The following C12orf56 variants were observed in gnomAD, a reference collection of about 807,000 sequenced individuals.
C12orf56 encodes uncharacterized protein C12orf56.
Under a neutral mutation model 69.9 loss-of-function variants are expected in C12orf56, and 71 were observed. That is an observed-to-expected ratio of 1.02 (90% confidence interval 0.84 to 1.24). C12orf56 has a LOEUF of 1.24. Among genes scored for constraint, C12orf56 ranks in the 50% most tolerant of loss-of-function variants. The pLI, the probability that C12orf56 is intolerant of heterozygous loss-of-function variation, is 0.00. For missense variants in C12orf56, 732 were observed against 738.5 expected (o/e 0.99, Z 0.10); for synonymous variants, 276 against 274.1 (o/e 1.01, Z -0.07).
At chr12:64,353,359 T>C (rs1256172463) in intron 1 of C12orf56, among the ~76,000 whole-genome samples, 1 of 152,102 alleles carries the variant, frequency 6.6e-6, no homozygotes, top group Non-Finnish European at 1.5e-5. Flanking sequence ...GGTTTAACCA[T>C]GTTGGCCAGG....
In C12orf56 at chr12:64,293,123, G is replaced by A. The variant is rs534845718; in HGVS notation, c.1114-7063C>T. Among the ~76,000 whole-genome samples the A allele has an allele frequency of 4.5e-4, 69 of 152,204 alleles. 1 individual carries two copies. The highest frequency in any genetic ancestry group is 1.6e-3 in the African/African-American group (65 of 41,550). The stretch of plus-strand genomic sequence containing the variant: ...GGGAGTGACCCGATTTTCCAGGTGC[G>A]TCCGTCACCCCTTTCTTTGACTCGG... On this transcript the variant is annotated intron_variant, in intron 6 of 12. Transcript: ENST00000543942.
At position 64,312,670 on chromosome 12, in the gene C12orf56, A is replaced by T; in HGVS notation, c.968+9T>A. On this transcript the variant is annotated intron_variant, in intron 5 of 12. Coordinates refer to ENST00000543942, the MANE Select transcript of C12orf56 (RefSeq NM_001170633.2). ...CCATGCAACTCTATCATACATCATC[A>T]CTTCTTACCTATATGGCTTTTGACT... The T allele has an allele frequency of 6.6e-7, 1 of 1,526,374 alleles. No homozygotes were observed. Among genetic ancestry groups the T allele is most frequent in the Non-Finnish European group, 8.8e-7 (1 of 1,137,428 alleles). The allele number at this position is 1,526,374 out of a possible 1,614,324, so 94.6% of individuals were successfully genotyped here. A position where few individuals can be genotyped will look rare whatever the true frequency, so the allele number is the denominator to read the frequency against.
chr12:64,390,280 C>G (rs960733229), intron 1 of C12orf56, 34 bp downstream of exon 1: 14 of 1,568,744 alleles, frequency 8.9e-6, no homozygotes, highest in Non-Finnish European at 1.2e-5. Context: ...TCTCACTGCG[C>G]TCCCGAGCCC....
rs1368584581 is a variant in C12orf56 at position 64,270,529 on chromosome 12, T to C, written c.1763+7A>G. 1 of 1,522,144 alleles carries C rather than the reference T, an allele frequency of 6.6e-7. No homozygotes were observed. The highest frequency in any genetic ancestry group is 1.4e-5 in the African/African-American group (1 of 71,942). The allele number at this position is 1,522,144 out of a possible 1,614,324, so 94.3% of individuals were successfully genotyped here. On this transcript the variant is annotated splice_region_variant and intron_variant, in intron 12 of 12. Coordinates refer to ENST00000543942, the MANE Select transcript of C12orf56 (RefSeq NM_001170633.2). Reference sequence around the variant, plus strand: ...ACTGCAGATTAGATTCAGACATTTTTTCTTACCTGAATTCTTCTCTGTAGT... The same window carrying C: ...ACTGCAGATTAGATTCAGACATTTTCTCTTACCTGAATTCTTCTCTGTAGT...
At chr12:64,309,812 A>G (rs2038581556) in intron 5 of C12orf56, among the ~76,000 whole-genome samples, 1 of 151,788 alleles carries the variant, frequency 6.6e-6, no homozygotes, top group Non-Finnish European at 1.5e-5. Context: ...CACCCGGCTT[A>G]TCATACTCAC....
intron 2 of C12orf56, among the ~76,000 whole-genome samples, chr12:64,347,904 T>C (rs1377824359): frequency 6.6e-6 from 1 of 152,220 alleles, no homozygotes; most frequent in Non-Finnish European, 1.5e-5. Flanking sequence ...AACCTAAAAA[T>C]TTGAACAAGT....
chr12:64,287,285 G>A (rs1336469347), intron 6 of C12orf56, among the ~76,000 whole-genome samples: 1 of 147,004 alleles, frequency 6.8e-6, no homozygotes, highest in Non-Finnish European at 1.5e-5. Context: ...AGAAGAAGAA[G>A]AAGAAGAAGT....
intron 1 of C12orf56, among the ~76,000 whole-genome samples, chr12:64,376,203 C>T (rs1197947948): frequency 3.3e-5 from 5 of 152,034 alleles, no homozygotes; most frequent in Admixed American, 2.0e-4. Context: ...CTGCCTCATC[C>T]GTCATATTCA....
chr12:64,348,767 T>G (rs576123276), intron 2 of C12orf56, among the ~76,000 whole-genome samples: 1 of 152,324 alleles, frequency 6.6e-6, no homozygotes, highest in South Asian at 2.1e-4. Flanking sequence ...CAATTAAGGT[T>G]GTTATGTTAA....
At position 64,352,901 on chromosome 12, in the gene C12orf56, G is replaced by A. The variant is rs375845633; in HGVS notation, c.408C>T (p.Asn136=). 2.5e-6 allele frequency: 4 copies of A among 1,603,922 alleles called. No homozygotes were observed. In the African/African-American group the frequency reaches 4.1e-5, roughly 16 times the overall value. ...LFPFHHTKAN[N]KKVKEEKNGL... ...CAGATTGGAAGTACCTACCTTTCTT[G>A]TTGTTAGCTTTAGTATGATGAAATG... The change falls in exon 2 of 13, where the codon AAC becomes AAT. Residue 136 remains asparagine, a synonymous_variant. Transcript: ENST00000543942.
chr12:64,390,279 G>A (rs1197742852), intron 1 of C12orf56, 35 bp downstream of exon 1: 1 of 1,565,996 alleles, frequency 6.4e-7, no homozygotes, highest in South Asian at 1.2e-5. Flanking sequence ...TTCTCACTGC[G>A]CTCCCGAGCC....
At chr12:64,360,035 A>G (rs539417930) in intron 1 of C12orf56, among the ~76,000 whole-genome samples, 1 of 152,282 alleles carries the variant, frequency 6.6e-6, no homozygotes, top group East Asian at 1.9e-4. Flanking sequence ...CTTTAAAGGG[A>G]CAAAGCTGAA....
intron 8 of C12orf56, among the ~76,000 whole-genome samples, chr12:64,280,392 T>G (rs1014073495): frequency 6.6e-6 from 1 of 152,186 alleles, no homozygotes; most frequent in Non-Finnish European, 1.5e-5. Context: ...TACAATATCT[T>G]TAAAAATACA....
At chr12:64,308,974 A>AG (rs1405198001) in intron 5 of C12orf56, among the ~76,000 whole-genome samples, 4 of 123,612 alleles carry the variant, frequency 3.2e-5, no homozygotes, top group African/African-American at 9.2e-5. Context: ...AAAGAAAGAA[A>AG]AGAAAGAAAG....
Position 64,297,544 on chromosome 12 carries a change from C to T in C12orf56, c.1113+6091G>A, listed in dbSNP as rs547452164. On this transcript the variant is annotated intron_variant, in intron 6 of 12. Coordinates refer to ENST00000543942, the MANE Select transcript of C12orf56 (RefSeq NM_001170633.2). ...GCTATCCCTCCCCTATTCCCCCGTCCGCCGACAGGCCCCAATGTGTGATGT... is the reference window on the plus strand; with the variant it reads ...GCTATCCCTCCCCTATTCCCCCGTCTGCCGACAGGCCCCAATGTGTGATGT... 5.3e-5 allele frequency among the ~76,000 whole-genome samples: 8 copies of T among 152,262 alleles called. No homozygotes were observed. The South Asian group carries it at 1.5e-3, about 28-fold the overall frequency.
intron 2 of C12orf56, among the ~76,000 whole-genome samples, chr12:64,331,958 AAAAG>A (rs1269356442): frequency 6.6e-6 from 1 of 151,734 alleles, no homozygotes; most frequent in Admixed American, 6.6e-5. Flanking sequence ...TAAAAAAAAA[AAAAG>A]AAGGAAAAAA....
intron 1 of C12orf56, among the ~76,000 whole-genome samples, chr12:64,370,347 C>T (rs533834499): frequency 6.0e-4 from 89 of 149,046 alleles, no homozygotes; most frequent in Admixed American, 1.1e-3. Context: ...TCTGCCCATG[C>T]GCCCCCCCAA....
intron 3 of C12orf56, among the ~76,000 whole-genome samples, chr12:64,328,696 AAAAAAAAAAAATATATAT>A (rs1416126092): frequency 2.6e-4 from 5 of 19,406 alleles, no homozygotes; most frequent in African/African-American, 8.7e-4. Flanking sequence ...AAAAAAAAAA[AAAAAAAAAAAATATATAT>A]ATATATATAT....
chr12:64,390,292 C>T (rs1420990902), intron 1 of C12orf56, 22 bp downstream of exon 1: 3 of 1,588,662 alleles, frequency 1.9e-6, no homozygotes, highest in Non-Finnish European at 2.6e-6. Context: ...CCCGAGCCCG[C>T]CTGCCCACCC....
Sources: allele counts gnomAD v4.1 joint callset (sites outside exome capture counted in the v4.1 genomes callset), GRCh38; gene constraint gnomAD v4.1.1; transcripts MANE v1.5; gene names NCBI Gene and HGNC (gene_info 2026-07-23, HGNC 2026-07-21).